Variants in GREB1 observed in about 807,000 individuals in gnomAD.
GREB1 encodes the protein protein GREB1.
Under a neutral mutation model 200.7 loss-of-function variants are expected in GREB1, and 106 were observed. The ratio of observed to expected loss-of-function variants is 0.53; its 90% CI spans 0.45 to 0.62. The LOEUF is 0.62. Among genes scored for constraint, GREB1 ranks in the 20% least tolerant of loss-of-function variants. The pLI is 0.00. For synonymous variants in GREB1, 1,132 were observed against 1,092.4 expected, an observed-to-expected ratio of 1.04 and a Z score of -0.72; for missense variants, 2,243 against 2,556.8, an observed-to-expected ratio of 0.88 and a Z score of 2.65.
chr2:11,489,542 T>C (rs1371454811), intron 1 of GREB1, among the ~76,000 whole-genome samples: 1 of 152,174 alleles, frequency 6.6e-6, no homozygotes. Context: ...AGACAAAAGA[T>C]CATTTAGTTT....
chr2:11,577,103 T>C (rs1364807931), intron 5 of GREB1, among the ~76,000 whole-genome samples: 1 of 151,986 alleles, frequency 6.6e-6, no homozygotes, highest in East Asian at 1.9e-4. Flanking sequence ...CATTACCTCC[T>C]ATGGCAAGTA....
chr2:11,609,541 CA>C (rs1291411929), intron 17 of GREB1, among the ~76,000 whole-genome samples: 3 of 152,096 alleles, frequency 2.0e-5, no homozygotes, highest in Non-Finnish European at 4.4e-5. Context: ...ACAGGTGCAC[CA>C]GGGGTAGGTA....
intron 2 of GREB1, among the ~76,000 whole-genome samples, chr2:11,560,239 G>A (rs1676865781): frequency 6.6e-6 from 1 of 152,160 alleles, no homozygotes; most frequent in African/African-American, 2.4e-5. Flanking sequence ...AGGCTAGTAT[G>A]GAAACTTGAG....
At position 11,610,754 on chromosome 2, in the gene GREB1, G is replaced by C. The variant is rs762186200; in HGVS notation, c.2733G>C (p.Leu911=). 2 of 1,613,572 alleles carry C rather than the reference G, an allele frequency of 1.2e-6. No individual in the cohort carries two copies. The highest frequency in any genetic ancestry group is 1.7e-5 in the Admixed American group (1 of 60,036). The change falls in exon 18 of 33, where the codon CTG becomes CTC. Residue 911 remains leucine (L), a synonymous_variant. Coordinates refer to ENST00000381486, the MANE Select transcript of GREB1 (RefSeq NM_014668.4). ...FVLVQHYAAA[L]MAVSGLPQMK... is the part of the protein sequence containing the mutation. ...TCGTGCAGCACTACGCGGCCGCCCT[G>C]ATGGCCGTAAGCGGCCTCCCGCAGA...
At chr2:11,576,611 C>A in intron 5 of GREB1, 76 bp downstream of exon 5, 2 of 1,114,770 alleles carry the variant, frequency 1.8e-6, no homozygotes, top group Non-Finnish European at 2.7e-6. Flanking sequence ...CGGTGTGATG[C>A]TGGGGAGAGG....
rs778612799 is a variant in GREB1 at position 11,618,637 on chromosome 2, C to T, written c.3762C>T (p.Arg1254=). The change falls in exon 22 of 33, where the codon CGC becomes CGT. Residue 1254 remains arginine, a synonymous_variant. Transcript: ENST00000381486. ...AGTGCTCCTTGACCAAGGCCTGCCGCCAGCCACCCATTGTCTTCTTGCCCA... is the reference window on the plus strand; with the variant it reads ...AGTGCTCCTTGACCAAGGCCTGCCGTCAGCCACCCATTGTCTTCTTGCCCA... The part of the protein sequence containing the change: ...ASQCSLTKAC[R]QPPIVFLPKL... The T allele has an allele frequency of 1.2e-6, 2 of 1,613,536 alleles. No individual in the cohort carries two copies. The highest frequency in any genetic ancestry group is 2.2e-5 in the East Asian group (1 of 44,880).
intron 1 of GREB1, among the ~76,000 whole-genome samples, chr2:11,538,879 C>G (rs1674484213): frequency 1.1e-5 from 1 of 95,042 alleles, no homozygotes; most frequent in Non-Finnish European, 2.2e-5. Context: ...CTCCCTTTTT[C>G]CCTCCCTCTC....
chr2:11,620,464 TG>T (rs1404444382), intron 22 of GREB1, among the ~76,000 whole-genome samples: 1 of 152,152 alleles, frequency 6.6e-6, no homozygotes, highest in Non-Finnish European at 1.5e-5. Context: ...GTTCTTTTCC[TG>T]GGTTTAGAAG....
chr2:11,521,733 CT>C (rs1313844524), intron 1 of GREB1, among the ~76,000 whole-genome samples: 1 of 152,216 alleles, frequency 6.6e-6, no homozygotes, highest in African/African-American at 2.4e-5. Context: ...AATAAATCTA[CT>C]TGAAAATCTT....
chr2:11,623,932 A>G (rs1261286001), intron 23 of GREB1, among the ~76,000 whole-genome samples: 1 of 152,108 alleles, frequency 6.6e-6, no homozygotes, highest in Non-Finnish European at 1.5e-5. Context: ...AAATAAAAGT[A>G]GAAAAATTAA....
chr2:11,516,744 G>A (rs1350943519), intron 1 of GREB1, among the ~76,000 whole-genome samples: 1 of 152,164 alleles, frequency 6.6e-6, no homozygotes, highest in East Asian at 1.9e-4. Flanking sequence ...TCCATCTAAG[G>A]GAAAGACCTG....
At chr2:11,483,709 T>C (rs1409313215) in intron 1 of GREB1, among the ~76,000 whole-genome samples, 2 of 145,166 alleles carry the variant, frequency 1.4e-5, no homozygotes, top group African/African-American at 5.0e-5. Flanking sequence ...TGTGTGTGTG[T>C]GTGTGTGTGT....
chr2:11,511,232 G>T (rs1673341570), intron 1 of GREB1, among the ~76,000 whole-genome samples: 1 of 152,170 alleles, frequency 6.6e-6, no homozygotes, highest in Non-Finnish European at 1.5e-5. Context: ...CCATCATCCA[G>T]TAAAGCATTT....
intron 1 of GREB1, among the ~76,000 whole-genome samples, chr2:11,487,536 G>A (rs1672682860): frequency 6.6e-6 from 1 of 152,086 alleles, no homozygotes. Flanking sequence ...TGAGGGAGAG[G>A]GTATATTTTA....
rs3842560 is a variant in GREB1, at chr2:11,629,181, T to TG, written c.4450-765dup. 0.55 allele frequency among the ~76,000 whole-genome samples: 83,258 copies of TG among 151,780 alleles called. 23,044 individuals are homozygous for TG. The highest frequency in any genetic ancestry group is 0.65 in the South Asian group (3,130 of 4,804). On this transcript the variant is annotated intron_variant, in intron 25 of 32. Coordinates refer to ENST00000381486, the MANE Select transcript of GREB1 (RefSeq NM_014668.4). The surrounding 1 kb of genome is among the most constrained non-coding windows in gnomAD (Gnocchi z 5.2). Reference sequence around the variant, plus strand: ...CGTCTGCCTCCTTCCCTGCAGACCCTGGATGCATGCATAGCACATGCTAGG... The same window carrying TG: ...CGTCTGCCTCCTTCCCTGCAGACCCTGGGATGCATGCATAGCACATGCTAGG...
intron 21 of GREB1, among the ~76,000 whole-genome samples, chr2:11,617,968 C>T (rs1225454154): frequency 6.6e-6 from 1 of 152,164 alleles, no homozygotes; most frequent in Non-Finnish European, 1.5e-5. Context: ...CAGCCCAGAG[C>T]TCGGGGACTG....
chr2:11,640,462 AGCG>A lies in GREB1; in HGVS notation c.*12_*14del. 3.1e-6 allele frequency: 5 copies of A among 1,613,898 alleles called. No individual in the cohort carries two copies. The highest frequency in any genetic ancestry group is 4.2e-6 in the Non-Finnish European group (5 of 1,179,912). ...ACGGGACGACACATCTGAGGAAGAC[AGCG>A]GCGAGTTTTCTGAAGAGATGAGTGC... is the stretch of plus-strand genomic sequence containing the variant. On this transcript the variant is annotated 3_prime_UTR_variant, in exon 33 of 33. Transcript: ENST00000381486. This position sits in a 1 kb window ranked among gnomAD's most constrained non-coding sequence, Gnocchi z 4.6.
In GREB1 at chr2:11,538,247, C is replaced by T. The variant is rs111863550; in HGVS notation, c.-162+3993C>T. Among the ~76,000 whole-genome samples, 761 of 152,266 alleles carry T rather than the reference C, an allele frequency of 5.0e-3. 44 individuals are homozygous for T. In the East Asian group the frequency reaches 0.12, roughly 24 times the overall value. ...AGGGAGGCACTGCCCAGCCTGGGAA[C>T]GAAGAAGCCCACCACACAAGTTCTA... On this transcript the variant is annotated intron_variant, in intron 1 of 32. Transcript: ENST00000381486.
chr2:11,632,137 A>G, intron 27 of GREB1, 24 bp downstream of exon 27: 1 of 1,506,106 alleles, frequency 6.6e-7, no homozygotes. Flanking sequence ...AACATCATCT[A>G]CTCAGTCAAA....
Sources: gnomAD v4.1 joint callset for allele counts (sites outside exome capture counted in the v4.1 genomes callset) on GRCh38, gnomAD v4.1.1 for gene constraint, Gnocchi (gnomAD v3.1) non-coding constraint, MANE v1.5 for transcripts, NCBI Gene and HGNC (gene_info 2026-07-23, HGNC 2026-07-21) for gene names.